Variants in DIS3L observed in about 807,000 individuals in gnomAD.
The protein encoded by DIS3L is DIS3 like exosome 3'-5' exoribonuclease.
A neutral mutation model predicts 120.3 loss-of-function variants in DIS3L; 100 were observed. The observed-to-expected ratio is 0.83, with a 90% confidence interval of 0.71 to 0.98. DIS3L has a LOEUF of 0.98. Among genes scored for constraint, DIS3L ranks in the 50% least tolerant of loss-of-function variants. The pLI is 0.00. For synonymous variants in DIS3L, 426 were observed against 470.6 expected (o/e 0.91, Z 1.23); for missense variants, 1,196 against 1,314.2 (o/e 0.91, Z 1.39).
intron 5 of DIS3L, among the ~76,000 whole-genome samples, chr15:66,313,826 AAG>A (rs1453006969): frequency 6.8e-6 from 1 of 147,192 alleles, no homozygotes; most frequent in Non-Finnish European, 1.5e-5. Flanking sequence ...TCTCGAAAAA[AAG>A]AAAAAAGTGT....
intron 2 of DIS3L, among the ~76,000 whole-genome samples, chr15:66,297,692 A>T (rs2092602536): frequency 6.6e-6 from 1 of 152,204 alleles, no homozygotes; most frequent in Non-Finnish European, 1.5e-5. Flanking sequence ...AGATGCAAGT[A>T]AATAATTCAT....
intron 8 of DIS3L, among the ~76,000 whole-genome samples, chr15:66,319,081 T>C (rs745793369): frequency 5.3e-5 from 8 of 152,136 alleles, no homozygotes; most frequent in Non-Finnish European, 1.0e-4. Flanking sequence ...TGAGCTACCA[T>C]GCCCAGCCGT....
intron 11 of DIS3L, 93 bp downstream of exon 11, chr15:66,323,678 T>C (rs1468319929): frequency 7.5e-6 from 10 of 1,327,168 alleles, no homozygotes; most frequent in Non-Finnish European, 1.1e-5. Flanking sequence ...TTCTCTGCTA[T>C]GCCCCACCCC....
chr15:66,320,347 G>A (rs891419179), intron 8 of DIS3L, among the ~76,000 whole-genome samples: 2 of 151,910 alleles, frequency 1.3e-5, no homozygotes, highest in Non-Finnish European at 2.9e-5. Context: ...ATGTAGAGAG[G>A]TAATGCCTCC....
At chr15:66,295,901 T>A (rs1354278355) in intron 2 of DIS3L, among the ~76,000 whole-genome samples, 1 of 152,250 alleles carries the variant, frequency 6.6e-6, no homozygotes, top group East Asian at 1.9e-4. Context: ...TATTCTTTTT[T>A]AAAATGTTGT....
chr15:66,326,908 A>T (rs1231624751), intron 12 of DIS3L, among the ~76,000 whole-genome samples: 1 of 148,726 alleles, frequency 6.7e-6, no homozygotes, highest in African/African-American at 2.5e-5. Flanking sequence ...ACCCACTACA[A>T]TTTGGGTTTT....
Position 66,326,170 on chromosome 15 carries a change from C to G in DIS3L, c.2007C>G (p.Leu669=). ...QLDDKKNIHD[L]IPKQPLEVHE... Reference sequence around the variant, plus strand: ...ATGACAAAAAGAACATTCACGACCTCATCCCCAAGCAGCCCCTGGAAGTCC... The same window carrying G: ...ATGACAAAAAGAACATTCACGACCTGATCCCCAAGCAGCCCCTGGAAGTCC... Residue 669 remains leucine, a synonymous_variant, in exon 12 of 17, where the codon CTC becomes CTG. Transcript: ENST00000319212. 6.2e-7 allele frequency: 1 copy of G among 1,614,198 alleles called. No homozygotes were observed. Among genetic ancestry groups the G allele is most frequent in the Non-Finnish European group, 8.5e-7 (1 of 1,180,036 alleles).
At chr15:66,328,840 T>A in intron 12 of DIS3L, 130 bp from the exon 13 acceptor site, 1 of 1,143,160 alleles carries the variant, frequency 8.7e-7, no homozygotes, top group South Asian at 1.6e-5. Flanking sequence ...GAGGTGCTTC[T>A]GAAACGTGTC....
chr15:66,302,605 T>C (rs1479714870), intron 2 of DIS3L, among the ~76,000 whole-genome samples: 3 of 152,158 alleles, frequency 2.0e-5, no homozygotes, highest in Non-Finnish European at 4.4e-5. Context: ...AGCCTTACTG[T>C]CTGCTGTCTC....
chr15:66,311,619 C>A, intron 4 of DIS3L, 105 bp from the exon 5 acceptor site: 1 of 1,378,516 alleles, frequency 7.3e-7, no homozygotes, highest in Non-Finnish European at 1.0e-6. Flanking sequence ...AGCACCCCCT[C>A]AAGATGGCAG....
intron 14 of DIS3L, among the ~76,000 whole-genome samples, chr15:66,331,120 A>C (rs2092994181): frequency 6.6e-6 from 1 of 152,058 alleles, no homozygotes; most frequent in South Asian, 2.1e-4. Context: ...GCGCCATTGC[A>C]CTCCAGCCTA....
intron 5 of DIS3L, among the ~76,000 whole-genome samples, chr15:66,313,245 C>T (rs1263827011): frequency 4.6e-5 from 7 of 151,998 alleles, no homozygotes; most frequent in African/African-American, 1.4e-4. Flanking sequence ...CCACCCACCT[C>T]AGCCTCCCAA....
At chr15:66,293,823 A>T (rs2092551301) in intron 1 of DIS3L, 88 bp downstream of exon 1, 1 of 1,049,874 alleles carries the variant, frequency 9.5e-7, no homozygotes, top group African/African-American at 1.7e-5. Flanking sequence ...GCGGAGCGCC[A>T]GCGGCGGGGA....
At chr15:66,317,184 C>T (rs1279523656) in intron 7 of DIS3L, among the ~76,000 whole-genome samples, 1 of 150,626 alleles carries the variant, frequency 6.6e-6, no homozygotes, top group Non-Finnish European at 1.5e-5. Context: ...GTCACAACTT[C>T]ACATTTTTTT....
chr15:66,296,433 T>C (rs1016938936), intron 2 of DIS3L, among the ~76,000 whole-genome samples: 10 of 152,062 alleles, frequency 6.6e-5, no homozygotes, highest in Non-Finnish European at 1.5e-5. Flanking sequence ...TAGGGCCATA[T>C]GATAACACCC....
intron 7 of DIS3L, among the ~76,000 whole-genome samples, chr15:66,318,042 C>T (rs964506768): frequency 2.6e-5 from 4 of 152,058 alleles, no homozygotes; most frequent in Non-Finnish European, 4.4e-5. Context: ...TGGTGCATCT[C>T]GGCTCACTGC....
At chr15:66,318,939 C>T (rs946208357) in intron 8 of DIS3L, among the ~76,000 whole-genome samples, 16 of 151,924 alleles carry the variant, frequency 1.1e-4, no homozygotes, top group African/African-American at 3.9e-4. Flanking sequence ...ATTACAGGCT[C>T]CCGCCACCAC....
intron 4 of DIS3L, among the ~76,000 whole-genome samples, chr15:66,311,153 A>G (rs2092756958): frequency 6.6e-6 from 1 of 151,868 alleles, no homozygotes; most frequent in Non-Finnish European, 1.5e-5. Flanking sequence ...CACTGAGCCC[A>G]GGAGTTTGAG....
At chr15:66,299,109 G>A (rs931032320) in intron 2 of DIS3L, among the ~76,000 whole-genome samples, 1 of 152,222 alleles carries the variant, frequency 6.6e-6, no homozygotes, top group African/African-American at 2.4e-5. Flanking sequence ...CAAGGCAGAG[G>A]AAAATGCCTG....
Sources: allele counts gnomAD v4.1 joint callset (sites outside exome capture counted in the v4.1 genomes callset), GRCh38; gene constraint gnomAD v4.1.1; transcripts MANE v1.5; gene names NCBI Gene and HGNC (gene_info 2026-07-23, HGNC 2026-07-21).